PLXDC2: variants seen among roughly 807,000 people sequenced by gnomAD.
The protein encoded by PLXDC2 is plexin domain-containing protein 2.
PLXDC2 carries 40 observed loss-of-function variants against 68.9 expected under a neutral mutation model. The observed-to-expected ratio is 0.58, with a 90% CI of 0.45 to 0.76. The LOEUF is 0.76. PLXDC2 is among the 30% of genes least tolerant of loss of function. PLXDC2 has a pLI of 0.00. For synonymous variants in PLXDC2, 243 were observed against 234.2 expected (o/e 1.04, Z -0.34); for missense variants, 644 against 661.9 (o/e 0.97, Z 0.30).
At chr10:19,889,376 C>T (rs909319171) in intron 1 of PLXDC2, among the ~76,000 whole-genome samples, 5 of 152,134 alleles carry the variant, frequency 3.3e-5, no homozygotes, top group African/African-American at 1.2e-4. Context: ...CCTCCAACTA[C>T]ACTGGAATGC....
chr10:20,148,437 C>T (rs999359904), intron 6 of PLXDC2, among the ~76,000 whole-genome samples: 3 of 151,740 alleles, frequency 2.0e-5, no homozygotes, highest in African/African-American at 7.3e-5. Context: ...TAATTAGAGA[C>T]CTAAGTGACA....
At chr10:20,009,873 G>T (rs1192074490) in intron 2 of PLXDC2, among the ~76,000 whole-genome samples, 4 of 151,848 alleles carry the variant, frequency 2.6e-5, no homozygotes, top group African/African-American at 4.8e-5. Flanking sequence ...AGGCAAGTTT[G>T]CAATGATGCT....
chr10:20,075,348 C>G (rs1836420810), intron 4 of PLXDC2, among the ~76,000 whole-genome samples: 1 of 152,012 alleles, frequency 6.6e-6, no homozygotes, highest in South Asian at 2.1e-4. Flanking sequence ...ACCACCATGC[C>G]TGGCCAATTT....
At chr10:20,061,102 A>G (rs2131698967) in intron 3 of PLXDC2, among the ~76,000 whole-genome samples, 1 of 152,266 alleles carries the variant, frequency 6.6e-6, no homozygotes, top group African/African-American at 2.4e-5. Context: ...CTCCTTATAT[A>G]CTCGTGGTAC....
chr10:20,151,040 T>C (rs1416918499), intron 6 of PLXDC2, among the ~76,000 whole-genome samples: 3 of 152,180 alleles, frequency 2.0e-5, no homozygotes. Context: ...ATTATTTACT[T>C]TACTTTATTA....
At chr10:20,197,603 A>T (rs1365873625) in intron 9 of PLXDC2, among the ~76,000 whole-genome samples, 1 of 152,016 alleles carries the variant, frequency 6.6e-6, no homozygotes, top group Non-Finnish European at 1.5e-5. Context: ...TGATCCACCC[A>T]CCTTGGCCTC....
At chr10:19,959,545 C>G (rs1418492861) in intron 1 of PLXDC2, among the ~76,000 whole-genome samples, 1 of 152,108 alleles carries the variant, frequency 6.6e-6, no homozygotes, top group Non-Finnish European at 1.5e-5. Context: ...GAGTTCATAT[C>G]TTAATTTAAG....
chr10:20,236,029 A>C (rs1835427703), intron 12 of PLXDC2, among the ~76,000 whole-genome samples: 1 of 152,222 alleles, frequency 6.6e-6, no homozygotes, highest in Admixed American at 6.5e-5. Flanking sequence ...ATTAAAAGAG[A>C]AAATAGTTTA....
intron 1 of PLXDC2, among the ~76,000 whole-genome samples, chr10:19,962,903 T>A (rs1315907913): frequency 7.1e-6 from 1 of 140,002 alleles, no homozygotes; most frequent in Non-Finnish European, 1.5e-5. Context: ...GGCGGGAGAA[T>A]GGCGTGAACC....
chr10:19,934,836 G>A (rs1235644405), intron 1 of PLXDC2, among the ~76,000 whole-genome samples: 1 of 152,176 alleles, frequency 6.6e-6, no homozygotes, highest in Non-Finnish European at 1.5e-5. Context: ...TCTTCATCAA[G>A]ACCTGTTCCT....
chr10:20,170,028 A>G (rs1834426505), intron 7 of PLXDC2, among the ~76,000 whole-genome samples: 1 of 152,198 alleles, frequency 6.6e-6, no homozygotes, highest in South Asian at 2.1e-4. Flanking sequence ...TATTATTCAT[A>G]GCTCCATAAG....
chr10:20,052,722 CAAAAAAA>C (rs59776582), intron 3 of PLXDC2, among the ~76,000 whole-genome samples: 179 of 92,846 alleles, frequency 1.9e-3, no homozygotes, highest in African/African-American at 6.4e-3. Context: ...ACAAATTATG[CAAAAAAA>C]AAAAAAAAAA....
At chr10:19,841,686 C>A (rs1836911210) in intron 1 of PLXDC2, among the ~76,000 whole-genome samples, 1 of 151,972 alleles carries the variant, frequency 6.6e-6, no homozygotes, top group Non-Finnish European at 1.5e-5. Flanking sequence ...GAACCTCTAC[C>A]TCATTCGTGA....
intron 1 of PLXDC2, among the ~76,000 whole-genome samples, chr10:19,984,965 T>C (rs1337216045): frequency 6.6e-6 from 1 of 152,258 alleles, no homozygotes; most frequent in Non-Finnish European, 1.5e-5. Context: ...TTTTCTTTAA[T>C]TCTTACTCTT....
chr10:20,212,896 TATA>T (rs544797464), intron 10 of PLXDC2, among the ~76,000 whole-genome samples: 200 of 152,244 alleles, frequency 1.3e-3, no homozygotes, highest in African/African-American at 4.5e-3. Flanking sequence ...ATTTCTTTCA[TATA>T]ATCAGTTACC....
intron 5 of PLXDC2, among the ~76,000 whole-genome samples, chr10:20,144,404 C>G (rs1490600248): frequency 6.6e-6 from 1 of 152,044 alleles, no homozygotes; most frequent in East Asian, 1.9e-4. Flanking sequence ...GTGATGAAAG[C>G]CATTTTACAG....
intron 1 of PLXDC2, among the ~76,000 whole-genome samples, chr10:19,839,083 C>T (rs888172864): frequency 1.3e-5 from 2 of 151,486 alleles, no homozygotes; most frequent in Non-Finnish European, 2.9e-5. Context: ...CTACTCAGGA[C>T]ACTGAGGCAG....
At chr10:20,194,190 C>CTG (rs58142621) in intron 9 of PLXDC2, among the ~76,000 whole-genome samples, 10,871 of 143,596 alleles carry the variant, frequency 0.076, 538 homozygotes, top group East Asian at 0.29. Flanking sequence ...TTGAACTCAG[C>CTG]TGTGTGTGTG....
intron 1 of PLXDC2, among the ~76,000 whole-genome samples, chr10:19,960,552 C>G (rs1051272724): frequency 6.6e-6 from 1 of 152,028 alleles, no homozygotes; most frequent in Non-Finnish European, 1.5e-5. Flanking sequence ...TGTCCTCTAC[C>G]CTCTTTTATT....
Sources: gnomAD v4.1 joint callset for allele counts (sites outside exome capture counted in the v4.1 genomes callset) on GRCh38, gnomAD v4.1.1 for gene constraint, MANE v1.5 for transcripts, NCBI Gene and HGNC (gene_info 2026-07-23, HGNC 2026-07-21) for gene names.